SNX18: variants seen among roughly 807,000 people sequenced by gnomAD.
The protein encoded by SNX18 is sorting nexin-18.
SNX18 carries 35 observed loss-of-function variants against 48.7 expected under a neutral mutation model. The observed-to-expected ratio is 0.72, with a 90% CI of 0.55 to 0.95. The LOEUF (loss-of-function observed/expected upper bound fraction) is 0.95, where lower values mean the gene tolerates loss of function less well. Ranked by LOEUF, SNX18 falls within the 40% of genes least tolerant of loss-of-function variation. SNX18 has a pLI of 0.00. For missense variants in SNX18, 824 were observed against 871.0 expected, an observed-to-expected ratio of 0.95 and a Z score of 0.68; for synonymous variants, 492 against 384.7, an observed-to-expected ratio of 1.28 and a Z score of -3.26.
the SNX18 span, among the ~76,000 whole-genome samples, chr5:54,608,697 A>G: frequency 7.2e-5 from 11 of 152,328 alleles, no homozygotes; most frequent in Admixed American, 3.3e-4. Context: ...GGGGGTGTAT[A>G]TGTGTATGCA....
downstream of SNX18, among the ~76,000 whole-genome samples, chr5:54,550,854 G>T (rs1213823948): frequency 6.6e-6 from 1 of 152,132 alleles, no homozygotes; most frequent in Non-Finnish European, 1.5e-5. Flanking sequence ...CAAAGTGCTG[G>T]GATTACAGGT....
chr5:54,633,647 CAT>C, the SNX18 span, among the ~76,000 whole-genome samples: 1 of 152,302 alleles, frequency 6.6e-6, no homozygotes, highest in East Asian at 1.9e-4. Flanking sequence ...GTGTATAATG[CAT>C]TTACAAGTGC....
At position 54,518,686 on chromosome 5, in the gene SNX18, TG is replaced by T; in HGVS notation, c.739del (p.Glu247ArgfsTer6). On this transcript the variant is annotated frameshift_variant, in exon 1 of 2. Transcript: ENST00000381410. LOFTEE classifies it high-confidence loss of function. ...AAGTCCGGCGGGGAGGCCTTCGTGCTGGGGGAGGCGTCAGGCTTCGTGAAGG... is the reference window on the plus strand; with the variant it reads ...AAGTCCGGCGGGGAGGCCTTCGTGCTGGGGAGGCGTCAGGCTTCGTGAAGG... ...FVKSGGEAFV[L>X]GEASGFVKDG... 1.3e-6 allele frequency: 2 copies of T among 1,572,674 alleles called. No individual in the cohort carries two copies. The highest frequency in any genetic ancestry group is 1.7e-6 in the Non-Finnish European group (2 of 1,160,232).
chr5:54,605,638 A>AT, the SNX18 span, among the ~76,000 whole-genome samples: 16 of 152,244 alleles, frequency 1.1e-4, no homozygotes, highest in East Asian at 3.9e-4. Context: ...AATTATTGAG[A>AT]TTTTTTATGA....
At chr5:54,617,717 C>T in the SNX18 span, among the ~76,000 whole-genome samples, 1 of 152,020 alleles carries the variant, frequency 6.6e-6, no homozygotes, top group East Asian at 1.9e-4. Flanking sequence ...TCTTTTTTCC[C>T]CTCTCTCTTT....
the SNX18 span, among the ~76,000 whole-genome samples, chr5:54,561,272 C>T: frequency 6.6e-6 from 1 of 151,966 alleles, no homozygotes; most frequent in Non-Finnish European, 1.5e-5. Context: ...AACTCCTGAC[C>T]TCAGGTGATC....
At chr5:54,565,966 C>T in the SNX18 span, among the ~76,000 whole-genome samples, 3 of 152,128 alleles carry the variant, frequency 2.0e-5, no homozygotes, top group Non-Finnish European at 4.4e-5. Context: ...GTGCCTGTTG[C>T]CTGAGAAAAG....
At chr5:54,552,732 G>C in the SNX18 span, among the ~76,000 whole-genome samples, 1 of 152,170 alleles carries the variant, frequency 6.6e-6, no homozygotes, top group Admixed American at 6.5e-5. Flanking sequence ...TAGGAATATA[G>C]CAGTGAACAA....
the SNX18 span, among the ~76,000 whole-genome samples, chr5:54,631,127 A>G: frequency 6.6e-6 from 1 of 152,208 alleles, no homozygotes; most frequent in African/African-American, 2.4e-5. Flanking sequence ...ATGACATAAT[A>G]CAGCCACATT....
chr5:54,623,786 T>C, the SNX18 span, among the ~76,000 whole-genome samples: 1 of 152,114 alleles, frequency 6.6e-6, no homozygotes, highest in Non-Finnish European at 1.5e-5. Flanking sequence ...TCTAGGCATT[T>C]TTGAAGGGAG....
intron 1 of SNX18, among the ~76,000 whole-genome samples, chr5:54,533,811 G>A (rs1762296848): frequency 6.6e-6 from 1 of 152,114 alleles, no homozygotes; most frequent in African/African-American, 2.4e-5. Context: ...TGCTTTTTGA[G>A]ACATTTTGCT....
At chr5:54,603,154 G>T in the SNX18 span, among the ~76,000 whole-genome samples, 2 of 146,744 alleles carry the variant, frequency 1.4e-5, no homozygotes, top group African/African-American at 5.1e-5. Context: ...TATAATGTAG[G>T]GTTGTAAATA....
chr5:54,567,647 C>T, the SNX18 span, among the ~76,000 whole-genome samples: 4 of 152,346 alleles, frequency 2.6e-5, no homozygotes, highest in South Asian at 4.1e-4. Context: ...CAATCCAGAA[C>T]CACCTAAGTC....
At chr5:54,629,458 G>A in the SNX18 span, among the ~76,000 whole-genome samples, 1 of 152,202 alleles carries the variant, frequency 6.6e-6, no homozygotes, top group African/African-American at 2.4e-5. Flanking sequence ...TGCAGAGTAT[G>A]CCTCACTGTA....
intron 1 of SNX18, among the ~76,000 whole-genome samples, chr5:54,521,990 A>G (rs1482268842): frequency 6.6e-6 from 1 of 152,200 alleles, no homozygotes; most frequent in Non-Finnish European, 1.5e-5. Context: ...CACTAAACAT[A>G]ATCTCTAGGA....
At chr5:54,524,916 G>T (rs1208369898) in intron 1 of SNX18, among the ~76,000 whole-genome samples, 1 of 152,242 alleles carries the variant, frequency 6.6e-6, no homozygotes, top group Non-Finnish European at 1.5e-5. Flanking sequence ...GGATGGGCCA[G>T]TCTGCCCCAG....
At chr5:54,618,622 G>C in the SNX18 span, among the ~76,000 whole-genome samples, 2 of 152,202 alleles carry the variant, frequency 1.3e-5, no homozygotes, top group African/African-American at 4.8e-5. Context: ...AAATAAATGT[G>C]CAGTTTTCCT....
At chr5:54,563,128 T>A in the SNX18 span, among the ~76,000 whole-genome samples, 26 of 152,222 alleles carry the variant, frequency 1.7e-4, 1 homozygote, top group Admixed American at 1.4e-3. Flanking sequence ...AAAGTTTAAA[T>A]AAAGTAAAAA....
chr5:54,573,152 T>C, the SNX18 span, among the ~76,000 whole-genome samples: 1 of 152,136 alleles, frequency 6.6e-6, no homozygotes, highest in Admixed American at 6.6e-5. Context: ...TTGCAAAATA[T>C]AGTAATTAAG....
Sources: gnomAD v4.1 joint callset for allele counts (sites outside exome capture counted in the v4.1 genomes callset) on GRCh38, gnomAD v4.1.1 for gene constraint, MANE v1.5 for transcripts, NCBI Gene and HGNC (gene_info 2026-07-23, HGNC 2026-07-21) for gene names.